The following ADCK5 variants were observed in gnomAD, a reference collection of about 807,000 sequenced individuals.
ADCK5 encodes uncharacterized aarF domain-containing protein kinase 5.
ADCK5 carries 43 observed loss-of-function variants against 64.9 expected under a neutral mutation model. The ratio of observed to expected loss-of-function variants is 0.66; its 90% CI spans 0.52 to 0.85. ADCK5 has a LOEUF of 0.85. Among genes scored for constraint, ADCK5 ranks in the 40% least tolerant of loss-of-function variants. The pLI, the probability that ADCK5 is intolerant of heterozygous loss-of-function variation, is 0.00. For synonymous variants in ADCK5, 434 were observed against 342.8 expected (o/e 1.27, Z -2.94); for missense variants, 760 against 810.5 (o/e 0.94, Z 0.76).
intron 3 of ADCK5, among the ~76,000 whole-genome samples, chr8:144,387,505 A>G (rs1323926660): frequency 6.6e-6 from 1 of 151,924 alleles, no homozygotes; most frequent in African/African-American, 2.4e-5. Context: ...GGTTCAAGCA[A>G]TTCTCCCAGC....
In ADCK5 at chr8:144,391,250, C is replaced by G. The variant is rs782440277; in HGVS notation, c.660C>G (p.His220Gln). The change falls in exon 6 of 15, where the codon CAC (histidine) becomes CAG (glutamine). Residue 220 changes from histidine (H) to glutamine (Q), a missense_variant. Transcript: ENST00000308860. ...SLAQVHRAKL[H>Q]DGTSVAVKVQ... The stretch of plus-strand genomic sequence containing the variant: ...CACAGGTGCACAGAGCCAAGCTGCA[C>G]GATGGCACCAGCGTGGCTGTGAAGG... 6.2e-7 allele frequency: 1 copy of G among 1,612,462 alleles called. No individual in the cohort carries two copies. The highest frequency in any genetic ancestry group is 8.5e-7 in the Non-Finnish European group (1 of 1,180,022).
Position 144,384,573 on chromosome 8 carries a change from G to A in ADCK5, c.266+1343G>A, listed in dbSNP as rs1234714085. On this transcript the variant is annotated intron_variant, in intron 3 of 14. Coordinates refer to ENST00000308860, the MANE Select transcript of ADCK5 (RefSeq NM_174922.5). The surrounding 1 kb of genome is among the most constrained non-coding windows in gnomAD (Gnocchi z 5.7). Reference sequence around the variant, plus strand: ...AGTCTCGCAGCCTGGGGTGGGTGACGACAGAGCCTCGGGTCCTCTGCCTTT... The same window carrying A: ...AGTCTCGCAGCCTGGGGTGGGTGACAACAGAGCCTCGGGTCCTCTGCCTTT... Among the ~76,000 whole-genome samples the A allele has an allele frequency of 2.0e-5, 3 of 152,166 alleles. No individual in the cohort carries two copies. The highest frequency in any genetic ancestry group is 7.2e-5 in the African/African-American group (3 of 41,434).
intron 3 of ADCK5, among the ~76,000 whole-genome samples, chr8:144,388,289 G>A (rs574744236): frequency 1.3e-4 from 19 of 151,058 alleles, no homozygotes; most frequent in Middle Eastern, 3.4e-3. Flanking sequence ...CCTGGGAGGC[G>A]GAGGTTGCAG....
chr8:144,391,550 G>A, intron 7 of ADCK5, 30 bp from the exon 8 acceptor site: 3 of 1,584,732 alleles, frequency 1.9e-6, no homozygotes, highest in Non-Finnish European at 1.7e-6. Context: ...GGTAGGCAGA[G>A]CTGGTCTTCA....
At chr8:144,388,582 G>T (rs1362092792) in intron 3 of ADCK5, among the ~76,000 whole-genome samples, 1 of 151,886 alleles carries the variant, frequency 6.6e-6, no homozygotes, top group Admixed American at 6.6e-5. Flanking sequence ...GGCCAACACG[G>T]TGAAACCCCA....
rs1554860640 is a variant in ADCK5, at chr8:144,391,607, C to T, written c.826C>T (p.Leu276=). 1.9e-6 allele frequency: 3 copies of T among 1,572,368 alleles called. No homozygotes were observed. In the East Asian group the frequency reaches 6.9e-5, roughly 36 times the overall value. ...CCTGAAGGGGACCCTGGCCCAGGAG[C>T]TGGACTTCGAGAATGAGGGCCGCAA... The part of the protein sequence containing the change: ...QDLKGTLAQE[L]DFENEGRNAE... The change falls in exon 8 of 15, where the codon CTG becomes TTG. Residue 276 remains leucine (L), a synonymous_variant. Transcript: ENST00000308860.
intron 3 of ADCK5, among the ~76,000 whole-genome samples, chr8:144,388,578 C>T (rs1242846885): frequency 6.6e-6 from 1 of 151,886 alleles, no homozygotes; most frequent in Non-Finnish European, 1.5e-5. Flanking sequence ...TCCTGGCCAA[C>T]ACGGTGAAAC....
At chr8:144,382,475 A>G (rs1221533204) in intron 2 of ADCK5, among the ~76,000 whole-genome samples, 7 of 151,356 alleles carry the variant, frequency 4.6e-5, no homozygotes, top group East Asian at 3.9e-4. Context: ...CGAGTATTAG[A>G]CTCCTGCTGT....
chr8:144,382,220 A>C (rs376213892), intron 2 of ADCK5, among the ~76,000 whole-genome samples: 133 of 99,044 alleles, frequency 1.3e-3, no homozygotes, highest in African/African-American at 2.6e-3. Flanking sequence ...CTGCTGCACT[A>C]AGGATTATGG....
chr8:144,377,262 A>C (rs1351461427), intron 1 of ADCK5: 1 of 152,146 alleles, frequency 6.6e-6, no homozygotes, highest in Non-Finnish European at 1.5e-5. Context: ...TTTTTTTAAT[A>C]ATACTGTAAG....
chr8:144,392,193 G>C, intron 11 of ADCK5, 23 bp downstream of exon 11: 7 of 1,549,958 alleles, frequency 4.5e-6, no homozygotes, highest in Non-Finnish European at 1.7e-6. Context: ...GGGTGGGCGT[G>C]GGGCAGGGCA....
intron 3 of ADCK5, 89 bp downstream of exon 3, chr8:144,383,319 A>G (rs1323073771): frequency 7.0e-7 from 1 of 1,435,686 alleles, no homozygotes; most frequent in Non-Finnish European, 9.2e-7. Flanking sequence ...GCCTTCACAG[A>G]CGAGGGGCGT....
intron 2 of ADCK5, among the ~76,000 whole-genome samples, chr8:144,380,296 A>G (rs1360326983): frequency 6.6e-6 from 1 of 150,884 alleles, no homozygotes; most frequent in Non-Finnish European, 1.5e-5. Context: ...GGCCGGGTGT[A>G]GAAACAGATG....
At position 144,383,369 on chromosome 8, in the gene ADCK5, G is replaced by T. The variant is rs1819766820; in HGVS notation, c.266+139G>T. ...TGCAGAGCTTGCTGAGGATTTTACAGCTGCTTTTCAGGCGTCCTTTCCTAC... is the reference window on the plus strand; with the variant it reads ...TGCAGAGCTTGCTGAGGATTTTACATCTGCTTTTCAGGCGTCCTTTCCTAC... On this transcript the variant is annotated intron_variant, in intron 3 of 14. Transcript: ENST00000308860. 5 of 1,302,400 alleles carry T rather than the reference G, an allele frequency of 3.8e-6. No individual in the cohort carries two copies. The Admixed American group carries it at 1.2e-4, about 32-fold the overall frequency. 80.7% of individuals were successfully genotyped at this position (1,302,400 alleles called of 1,614,324 possible).
At chr8:144,375,536 A>G in intron 1 of ADCK5, 1 of 985,382 alleles carries the variant, frequency 1.0e-6, no homozygotes, top group Non-Finnish European at 1.2e-6. Context: ...TGGGAGCTGC[A>G]TCCTCCTCAT....
In ADCK5 at chr8:144,382,225, T is replaced by A. The variant is rs1490566862; in HGVS notation, c.117-856T>A. On this transcript the variant is annotated intron_variant, in intron 2 of 14. Transcript: ENST00000308860. ...GCTCAGGCACCTGCTGCACTAAGGA[T>A]TATGGGCCGGGTGTAGAAACAGATG... is the stretch of plus-strand genomic sequence containing the variant. Among the ~76,000 whole-genome samples, 1,027 of 151,378 alleles carry A rather than the reference T, an allele frequency of 6.8e-3. 1 individual carries two copies. Among genetic ancestry groups the A allele is most frequent in the African/African-American group, 0.024 (989 of 40,940 alleles).
intron 1 of ADCK5, among the ~76,000 whole-genome samples, chr8:144,377,737 C>A (rs1819426314): frequency 6.6e-6 from 1 of 152,206 alleles, no homozygotes; most frequent in Non-Finnish European, 1.5e-5. Context: ...TCTGTGGGGT[C>A]TCAGTAAGTT....
At chr8:144,380,491 T>A (rs1586578324) in intron 2 of ADCK5, among the ~76,000 whole-genome samples, 1 of 146,236 alleles carries the variant, frequency 6.8e-6, no homozygotes, top group South Asian at 2.2e-4. Context: ...CCTGCTGCAC[T>A]CAGGATTATG....
rs782274796 is a variant in ADCK5, at chr8:144,391,490, T to C, written c.798+16T>C. ...GGTCCTCCAGGTACAGCCCCACCCC[T>C]TCCCCGGCCAGCAGGAGCAAACACG... is the stretch of plus-strand genomic sequence containing the variant. On this transcript the variant is annotated intron_variant, in intron 7 of 14. Transcript: ENST00000308860. 90 of 1,604,352 alleles carry C rather than the reference T, an allele frequency of 5.6e-5. No individual in the cohort carries two copies. Among genetic ancestry groups the C allele is most frequent in the Admixed American group, 3.6e-4 (21 of 58,842 alleles).
Sources: allele counts gnomAD v4.1 joint callset (sites outside exome capture counted in the v4.1 genomes callset), GRCh38; gene constraint gnomAD v4.1.1; non-coding constraint Gnocchi (gnomAD v3.1); transcripts MANE v1.5; gene names NCBI Gene and HGNC (gene_info 2026-07-23, HGNC 2026-07-21).